Variants in NEURL1 observed in about 807,000 individuals in gnomAD.
NEURL1 encodes the protein E3 ubiquitin-protein ligase NEURL1.
NEURL1 carries 26 observed loss-of-function variants against 41.2 expected under a neutral mutation model. The observed-to-expected ratio is 0.63, with a 90% confidence interval of 0.46 to 0.87. NEURL1 has a LOEUF of 0.87. Ranked by LOEUF, NEURL1 falls within the 40% of genes least tolerant of loss-of-function variation. The probability of loss-of-function intolerance (pLI) is 0.00; values close to 1 mark genes in which losing one functional copy is unlikely to be tolerated. For missense variants in NEURL1, 761 were observed against 871.1 expected, an observed-to-expected ratio of 0.87 and a Z score of 1.59; for synonymous variants, 400 against 402.3, an observed-to-expected ratio of 0.99 and a Z score of 0.07.
intron 1 of NEURL1, among the ~76,000 whole-genome samples, chr10:103,527,482 A>G (rs1010592838): frequency 2.0e-5 from 3 of 151,942 alleles, no homozygotes; most frequent in African/African-American, 7.3e-5. Context: ...TGTAGCAGAG[A>G]TGGGGTTTCA....
rs925059497 is a variant in NEURL1 at position 103,545,075 on chromosome 10, G to A, written c.86-25797G>A. 2.0e-5 allele frequency among the ~76,000 whole-genome samples: 3 copies of A among 152,230 alleles called. No homozygotes were observed. The South Asian group carries it at 6.2e-4, about 32-fold the overall frequency. ...GGACAGGAGCCTGAGAGAAGTTACT[G>A]GAAAGGGAAGAAAGGAAGGCGGCGG... On this transcript the variant is annotated intron_variant, in intron 1 of 5. Coordinates refer to ENST00000369780, the MANE Select transcript of NEURL1 (RefSeq NM_004210.5). The surrounding 1 kb of genome is among the most constrained non-coding windows in gnomAD (Gnocchi z 4.5).
chr10:103,549,472 C>T (rs1194645396), intron 1 of NEURL1, among the ~76,000 whole-genome samples: 1 of 152,222 alleles, frequency 6.6e-6, no homozygotes, highest in East Asian at 1.9e-4. Flanking sequence ...AGGCAGCAGC[C>T]TCCACTCTTG....
At chr10:103,507,777 G>C (rs1051277951) in intron 1 of NEURL1, among the ~76,000 whole-genome samples, 3 of 152,220 alleles carry the variant, frequency 2.0e-5, no homozygotes, top group African/African-American at 7.2e-5. Context: ...GTGGCTCCCA[G>C]GAGGGCAGAG....
intron 1 of NEURL1, among the ~76,000 whole-genome samples, chr10:103,517,722 G>C (rs921596578): frequency 6.6e-5 from 10 of 152,242 alleles, no homozygotes; most frequent in African/African-American, 2.4e-4. Context: ...CTTCTCCCCT[G>C]CAGCAGCTCT....
At chr10:103,533,681 C>T (rs375451174) in intron 1 of NEURL1, among the ~76,000 whole-genome samples, 28 of 152,258 alleles carry the variant, frequency 1.8e-4, no homozygotes, top group African/African-American at 6.3e-4. Flanking sequence ...GGACTACAGG[C>T]GCCCGCCATC....
At chr10:103,521,014 G>A (rs1013068049) in intron 1 of NEURL1, among the ~76,000 whole-genome samples, 2 of 152,210 alleles carry the variant, frequency 1.3e-5, no homozygotes, top group African/African-American at 4.8e-5. Flanking sequence ...ATTAGAGAGT[G>A]CCCAAGGGGT....
At chr10:103,563,285 C>T (rs1344918382) in intron 1 of NEURL1, among the ~76,000 whole-genome samples, 2 of 152,150 alleles carry the variant, frequency 1.3e-5, no homozygotes, top group Non-Finnish European at 2.9e-5. Context: ...TCACTACAGC[C>T]TAGAGAGGTG....
intron 1 of NEURL1, among the ~76,000 whole-genome samples, chr10:103,563,041 C>A (rs1242860456): frequency 6.6e-6 from 1 of 152,180 alleles, no homozygotes; most frequent in Non-Finnish European, 1.5e-5. Context: ...CCAGAGGGAG[C>A]CCTGTTCAGT....
chr10:103,590,241 G>A lies in NEURL1; in HGVS notation c.1594G>A (p.Val532Ile). 1.2e-6 allele frequency: 2 copies of A among 1,614,164 alleles called. No individual in the cohort carries two copies. Among genetic ancestry groups the A allele is most frequent in the Non-Finnish European group, 1.7e-6 (2 of 1,180,024 alleles). ...TICYEHAVDT[V>I]IYTCGHMCLC... ...TTGCTATGAACACGCGGTGGACACG[G>A]TCATCTACACATGTGGCCACATGTG... The change falls in exon 6 of 6, where the codon GTC (valine) becomes ATC (isoleucine). Residue 532 changes from valine to isoleucine, a missense_variant. Around this residue, in one of 5 missense-constraint regions of NEURL1, gnomAD observed 45 missense variants for 89.9 expected, o/e 0.50. Coordinates refer to ENST00000369780, the MANE Select transcript of NEURL1 (RefSeq NM_004210.5).
At chr10:103,560,245 T>G (rs1564822001) in intron 1 of NEURL1, among the ~76,000 whole-genome samples, 1 of 152,198 alleles carries the variant, frequency 6.6e-6, no homozygotes, top group Non-Finnish European at 1.5e-5. Context: ...CCCCTCATTC[T>G]CCAGGCCTGG....
At chr10:103,537,390 T>G (rs2034714865) in intron 1 of NEURL1, among the ~76,000 whole-genome samples, 1 of 152,092 alleles carries the variant, frequency 6.6e-6, no homozygotes, top group African/African-American at 2.4e-5. Flanking sequence ...CCCTACTCCC[T>G]CCTCTCGCAC....
intron 1 of NEURL1, among the ~76,000 whole-genome samples, chr10:103,498,900 T>G (rs1474367014): frequency 6.6e-6 from 1 of 152,248 alleles, no homozygotes; most frequent in Non-Finnish European, 1.5e-5. Context: ...AATATTCTAT[T>G]GTAAGAGTAT....
chr10:103,498,074 TA>T (rs1352363412), intron 1 of NEURL1, among the ~76,000 whole-genome samples: 1 of 152,168 alleles, frequency 6.6e-6, no homozygotes, highest in Non-Finnish European at 1.5e-5. Flanking sequence ...AAAGTATATG[TA>T]TATGGAAGTT....
chr10:103,555,343 G>C (rs770907712), intron 1 of NEURL1: 2 of 1,309,790 alleles, frequency 1.5e-6, no homozygotes, highest in Non-Finnish European at 1.0e-6. Context: ...CCAGCCGGCC[G>C]GCCCAGCAGA....
intron 1 of NEURL1, among the ~76,000 whole-genome samples, chr10:103,502,294 C>T (rs1185997338): frequency 6.6e-6 from 1 of 152,132 alleles, no homozygotes; most frequent in Admixed American, 6.5e-5. Context: ...CAAAATACTA[C>T]AGACTGGATG....
chr10:103,571,772 T>C lies in NEURL1; in HGVS notation c.599T>C (p.Leu200Pro). The C allele has an allele frequency of 6.2e-7, 1 of 1,613,486 alleles. No homozygotes were observed. Reference sequence around the variant, plus strand: ...AGCGGGGTCCGCACGGCCGACCCGCTCTGGGCCCTGGTGGACGTCTACGGC... The same window carrying C: ...AGCGGGGTCCGCACGGCCGACCCGCCCTGGGCCCTGGTGGACGTCTACGGC... ...FFSGVRTADP[L>P]WALVDVYGLT... Residue 200 changes from leucine (L) to proline (P), a missense_variant, in exon 3 of 6, where the codon CTC (leucine) becomes CCC (proline). By Grantham distance (98) the Leu-to-Pro change is moderately conservative. Coordinates refer to ENST00000369780, the MANE Select transcript of NEURL1 (RefSeq NM_004210.5).
At chr10:103,534,861 A>T (rs1306673405) in intron 1 of NEURL1, among the ~76,000 whole-genome samples, 1 of 152,046 alleles carries the variant, frequency 6.6e-6, no homozygotes, top group Non-Finnish European at 1.5e-5. Flanking sequence ...TATGTTGCCC[A>T]CAGAGCCAGC....
chr10:103,494,333 G>T lies in NEURL1; in HGVS notation c.-55G>T, dbSNP rs2986041. On this transcript the variant is annotated 5_prime_UTR_variant, in exon 1 of 6. Coordinates refer to ENST00000369780, the MANE Select transcript of NEURL1 (RefSeq NM_004210.5). ...GCACACTCGCACACCGCACCTCAGC[G>T]CCTGCCCGGCCTCGCCCCCACCCGC... 1,145,530 of 1,467,082 alleles carry T rather than the reference G, an allele frequency of 0.78. 449,851 individuals are homozygous for T. Among genetic ancestry groups the T allele is most frequent in the East Asian group, 1 (39,477 of 39,514 alleles). The allele number at this position is 1,467,082 out of a possible 1,614,324, so 90.9% of individuals were successfully genotyped here. A position where few individuals can be genotyped will look rare whatever the true frequency, so the allele number is the denominator to read the frequency against.
At chr10:103,538,627 C>CT (rs1288209307) in intron 1 of NEURL1, among the ~76,000 whole-genome samples, 3 of 150,510 alleles carry the variant, frequency 2.0e-5, no homozygotes, top group Non-Finnish European at 4.4e-5. Context: ...AGCATTTTTT[C>CT]TTTTTTGTTT....
Sources: allele counts gnomAD v4.1 joint callset (sites outside exome capture counted in the v4.1 genomes callset), GRCh38; gene constraint gnomAD v4.1.1; regional missense constraint gnomAD v4.1.1; non-coding constraint Gnocchi (gnomAD v3.1); transcripts MANE v1.5; gene names NCBI Gene and HGNC (gene_info 2026-07-23, HGNC 2026-07-21).